SPOCK3: variants seen among roughly 807,000 people sequenced by gnomAD.
SPOCK3 encodes the protein SPARC (osteonectin), cwcv and kazal like domains proteoglycan 3.
In SPOCK3, 30 loss-of-function variants were observed where a neutral mutation model predicts 56.6. The observed-to-expected ratio is 0.53, with a 90% confidence interval of 0.40 to 0.72. The LOEUF (loss-of-function observed/expected upper bound fraction) is 0.72. SPOCK3 is among the 30% of genes least tolerant of loss of function. SPOCK3 has a pLI of 0.00. For missense variants in SPOCK3, 527 were observed against 530.0 expected, an observed-to-expected ratio of 0.99 and a Z score of 0.06; for synonymous variants, 196 against 183.3, an observed-to-expected ratio of 1.07 and a Z score of -0.56.
rs77073253 is a variant in SPOCK3, at chr4:166,866,582, C to T, written c.589+22548G>A. 1.8e-3 allele frequency among the ~76,000 whole-genome samples: 266 copies of T among 151,900 alleles called. 3 individuals are homozygous for T. The East Asian group carries it at 0.046, about 26-fold the overall frequency. ...TCTACAAGGAACTTAAACAAATTTA[C>T]AAGAAAAAAGAAAATGACTCAATCA... On this transcript the variant is annotated intron_variant, in intron 6 of 10. Coordinates refer to ENST00000357545, the MANE Select transcript of SPOCK3 (RefSeq NM_001040159.2).
chr4:166,792,338 G>C (rs774778145), intron 6 of SPOCK3, 49 bp from the exon 7 acceptor site: 3 of 1,599,624 alleles, frequency 1.9e-6, no homozygotes, highest in African/African-American at 1.3e-5. Context: ...TTAGTATAAT[G>C]TTAGTGCTAT....
chr4:166,878,969 T>C (rs887300842), intron 6 of SPOCK3, among the ~76,000 whole-genome samples: 28 of 152,184 alleles, frequency 1.8e-4, no homozygotes, highest in African/African-American at 6.3e-4. Context: ...GTCCAGCATA[T>C]ACTAATAAGG....
intron 2 of SPOCK3, among the ~76,000 whole-genome samples, chr4:167,205,169 A>G (rs961219088): frequency 8.9e-6 from 1 of 111,748 alleles, no homozygotes; most frequent in African/African-American, 3.5e-5. Flanking sequence ...TATATAATAT[A>G]TATTATATAT....
intron 4 of SPOCK3, among the ~76,000 whole-genome samples, chr4:166,993,890 G>C (rs569446381): frequency 6.6e-6 from 1 of 152,126 alleles, no homozygotes; most frequent in Non-Finnish European, 1.5e-5. Context: ...AGCAAATTAT[G>C]TCTTTAATTC....
chr4:167,229,598 A>T (rs1200208312), intron 2 of SPOCK3, among the ~76,000 whole-genome samples: 1 of 152,028 alleles, frequency 6.6e-6, no homozygotes, highest in Non-Finnish European at 1.5e-5. Context: ...TAAGAACCTC[A>T]CCTTAGATGA....
chr4:166,929,788 C>T (rs902315072), intron 4 of SPOCK3, among the ~76,000 whole-genome samples: 1 of 152,122 alleles, frequency 6.6e-6, no homozygotes. Flanking sequence ...TCCCCACACC[C>T]TACTTAGCTT....
intron 6 of SPOCK3, among the ~76,000 whole-genome samples, chr4:166,857,753 G>A (rs1054886302): frequency 1.3e-5 from 2 of 152,186 alleles, no homozygotes; most frequent in Non-Finnish European, 2.9e-5. Context: ...TTCATATGCT[G>A]AGAAAGTAGT....
intron 2 of SPOCK3, among the ~76,000 whole-genome samples, chr4:167,111,797 G>A (rs966909794): frequency 6.7e-6 from 1 of 149,808 alleles, no homozygotes; most frequent in African/African-American, 2.5e-5. Context: ...TTGCACTGTT[G>A]CCCAGGCTGG....
chr4:166,876,951 T>C (rs1309653031), intron 6 of SPOCK3, among the ~76,000 whole-genome samples: 1 of 152,046 alleles, frequency 6.6e-6, no homozygotes, highest in Non-Finnish European at 1.5e-5. Context: ...TATGGGAAGT[T>C]TGGGGTAGAG....
At chr4:167,183,405 A>G (rs1332424088) in intron 2 of SPOCK3, among the ~76,000 whole-genome samples, 1 of 152,230 alleles carries the variant, frequency 6.6e-6, no homozygotes, top group African/African-American at 2.4e-5. Context: ...CAAAAATAAA[A>G]AATGACTTCT....
At chr4:167,066,527 AAATAT>A (rs1345120424) in intron 2 of SPOCK3, among the ~76,000 whole-genome samples, 3 of 151,922 alleles carry the variant, frequency 2.0e-5, no homozygotes, top group Non-Finnish European at 2.9e-5. Flanking sequence ...TTTTCTCCAC[AAATAT>A]AATATTGAAA....
chr4:166,742,513 A>G (rs7691894), intron 8 of SPOCK3, among the ~76,000 whole-genome samples: 50,211 of 152,038 alleles, frequency 0.33, 8,460 homozygotes, highest in Admixed American at 0.42. Flanking sequence ...CCCCTCATTT[A>G]AAAGTTTCTG....
chr4:166,794,232 A>T (rs1168066912), intron 6 of SPOCK3, among the ~76,000 whole-genome samples: 2 of 151,278 alleles, frequency 1.3e-5, no homozygotes, highest in South Asian at 4.2e-4. Context: ...AAAAAAAAAA[A>T]AATAGCACAC....
chr4:167,118,726 G>A (rs1001893882), intron 2 of SPOCK3, among the ~76,000 whole-genome samples: 4 of 152,058 alleles, frequency 2.6e-5, no homozygotes, highest in Admixed American at 6.6e-5. Flanking sequence ...TTACAAGTAT[G>A]TTATATTTTT....
intron 6 of SPOCK3, among the ~76,000 whole-genome samples, chr4:166,852,031 G>A (rs1477476736): frequency 6.6e-6 from 1 of 151,040 alleles, no homozygotes; most frequent in African/African-American, 2.4e-5. Context: ...ATCATTCTCA[G>A]TAAACTATCG....
At chr4:167,082,193 T>A (rs1757768824) in intron 2 of SPOCK3, among the ~76,000 whole-genome samples, 1 of 152,100 alleles carries the variant, frequency 6.6e-6, no homozygotes, top group African/African-American at 2.4e-5. Flanking sequence ...AATCCCCTAG[T>A]CAGGAATCAA....
intron 3 of SPOCK3, among the ~76,000 whole-genome samples, chr4:167,040,714 G>A (rs574630822): frequency 6.6e-6 from 1 of 152,024 alleles, no homozygotes; most frequent in South Asian, 2.1e-4. Flanking sequence ...GTAAACTATG[G>A]CAGAATGAAA....
chr4:167,110,379 A>C (rs2150345893), intron 2 of SPOCK3, among the ~76,000 whole-genome samples: 1 of 152,172 alleles, frequency 6.6e-6, no homozygotes, highest in South Asian at 2.1e-4. Flanking sequence ...ATTTCTTTTT[A>C]GGTGATGGAG....
intron 2 of SPOCK3, among the ~76,000 whole-genome samples, chr4:167,087,788 G>A (rs1209790321): frequency 6.6e-6 from 1 of 152,084 alleles, no homozygotes; most frequent in Non-Finnish European, 1.5e-5. Context: ...AGCTAAAATG[G>A]ACTATCAGGA....
Sources: gnomAD v4.1 joint callset for allele counts (sites outside exome capture counted in the v4.1 genomes callset) on GRCh38, gnomAD v4.1.1 for gene constraint, MANE v1.5 for transcripts, NCBI Gene and HGNC (gene_info 2026-07-23, HGNC 2026-07-21) for gene names.